Variants in ZNF679 observed in about 807,000 individuals in gnomAD.
ZNF679 encodes the protein zinc finger protein 679.
Under a neutral mutation model 13.4 loss-of-function variants are expected in ZNF679, and 10 were observed. The observed-to-expected ratio is 0.75, with a 90% CI of 0.46 to 1.27. The LOEUF (loss-of-function observed/expected upper bound fraction) is 1.27. Ranked by LOEUF, ZNF679 falls within the 50% of genes most tolerant of loss-of-function variation. The pLI is 0.00. For missense variants in ZNF679, 525 were observed against 477.8 expected, an observed-to-expected ratio of 1.10 and a Z score of -0.92; for synonymous variants, 179 against 162.5, an observed-to-expected ratio of 1.10 and a Z score of -0.77.
intron 1 of ZNF679, among the ~76,000 whole-genome samples, chr7:64,248,020 T>C (rs1175853016): frequency 6.6e-6 from 1 of 151,174 alleles, no homozygotes; most frequent in African/African-American, 2.4e-5. Context: ...GACTGCGTAC[T>C]TTTTTTTTAA....
chr7:64,263,416 A>G (rs962434462), intron 4 of ZNF679, among the ~76,000 whole-genome samples: 18 of 152,102 alleles, frequency 1.2e-4, no homozygotes, highest in Non-Finnish European at 2.5e-4. Flanking sequence ...GCTAAGACCT[A>G]TGTATTCTAA....
At chr7:64,259,129 CT>C (rs1788042818) in intron 2 of ZNF679, among the ~76,000 whole-genome samples, 1 of 152,074 alleles carries the variant, frequency 6.6e-6, no homozygotes, top group South Asian at 2.1e-4. Context: ...CCAGGCTGGT[CT>C]CGAACTCCTG....
At chr7:64,255,073 A>G (rs1450009129) in intron 2 of ZNF679, among the ~76,000 whole-genome samples, 1 of 151,538 alleles carries the variant, frequency 6.6e-6, no homozygotes, top group Admixed American at 6.6e-5. Flanking sequence ...CAGAAAAGAG[A>G]TATTACAGAG....
chr7:64,266,129 G>A lies in ZNF679; in HGVS notation c.496G>A (p.Gly166Ser), dbSNP rs41403344. 70 of 1,608,406 alleles carry A rather than the reference G, an allele frequency of 4.4e-5. No individual in the cohort carries two copies. Among genetic ancestry groups the A allele is most frequent in the African/African-American group, 3.7e-4 (28 of 74,904 alleles). The change falls in exon 5 of 5, where the codon GGC becomes AGC. Residue 166 changes from glycine to serine, a missense_variant. Gly to Ser is a moderately conservative substitution (Grantham distance 56). Transcript: ENST00000421025. ...GACTCATAAATGTGTCAAAGTCTTC[G>A]GCAAATTTTCAAATTCCAATAGACA... Reference protein sequence around the residue: ...FQTHKCVKVFGKFSNSNRHKT... With the variant: ...FQTHKCVKVFSKFSNSNRHKT...
At chr7:64,263,592 T>C (rs1562848332) in intron 4 of ZNF679, among the ~76,000 whole-genome samples, 1 of 152,178 alleles carries the variant, frequency 6.6e-6, no homozygotes, top group Non-Finnish European at 1.5e-5. Flanking sequence ...AATGACTTGG[T>C]ACAATCCCCT....
intron 1 of ZNF679, among the ~76,000 whole-genome samples, chr7:64,233,041 G>A (rs1239139972): frequency 6.6e-6 from 1 of 152,086 alleles, no homozygotes; most frequent in Non-Finnish European, 1.5e-5. Context: ...AGGAGTTCAA[G>A]ACCAGCTGGC....
chr7:64,253,367 A>G (rs1787966205), intron 2 of ZNF679, among the ~76,000 whole-genome samples: 1 of 152,156 alleles, frequency 6.6e-6, no homozygotes, highest in Non-Finnish European at 1.5e-5. Context: ...AGGTTAATGA[A>G]GGCCTAGTCA....
chr7:64,245,172 AC>A (rs1182713172), intron 1 of ZNF679, among the ~76,000 whole-genome samples: 1 of 152,050 alleles, frequency 6.6e-6, no homozygotes, highest in African/African-American at 2.4e-5. Flanking sequence ...GACTACAGGC[AC>A]CCACCACCAC....
At chr7:64,262,601 C>T (rs1213040027) in intron 4 of ZNF679, among the ~76,000 whole-genome samples, 2 of 152,152 alleles carry the variant, frequency 1.3e-5, no homozygotes, top group East Asian at 3.8e-4. Context: ...TCATGGCAAC[C>T]TTGTGGCAGA....
At chr7:64,243,632 A>G (rs1248335509) in intron 1 of ZNF679, among the ~76,000 whole-genome samples, 2 of 152,202 alleles carry the variant, frequency 1.3e-5, no homozygotes, top group African/African-American at 2.4e-5. Flanking sequence ...TGATTGGCTC[A>G]GAAATATGTC....
At chr7:64,258,085 A>G (rs979208640) in intron 2 of ZNF679, among the ~76,000 whole-genome samples, 2 of 151,604 alleles carry the variant, frequency 1.3e-5, no homozygotes, top group Non-Finnish European at 2.9e-5. Flanking sequence ...TGCTCCCATT[A>G]CTGTAAAGAA....
intron 1 of ZNF679, among the ~76,000 whole-genome samples, chr7:64,248,010 G>C (rs898543823): frequency 6.6e-6 from 1 of 152,038 alleles, no homozygotes; most frequent in Non-Finnish European, 1.5e-5. Flanking sequence ...AAATACCTCA[G>C]ACTGCGTACT....
intron 1 of ZNF679, among the ~76,000 whole-genome samples, chr7:64,234,687 T>C (rs1441046126): frequency 6.6e-6 from 1 of 152,156 alleles, no homozygotes; most frequent in East Asian, 1.9e-4. Flanking sequence ...CCCTGAACCA[T>C]AAGTTCTACA....
chr7:64,255,403 C>T (rs541909745), intron 2 of ZNF679, among the ~76,000 whole-genome samples: 14 of 152,268 alleles, frequency 9.2e-5, no homozygotes, highest in East Asian at 1.9e-4. Flanking sequence ...TGTGCCTACA[C>T]GTTTCCTGGC....
rs75909598 is a variant in ZNF679 at position 64,237,400 on chromosome 7, G to A, written c.-91+8748G>A. Among the ~76,000 whole-genome samples the A allele has an allele frequency of 5.3e-4, 81 of 152,220 alleles. 1 individual carries two copies. The highest frequency in any genetic ancestry group is 1.7e-3 in the African/African-American group (72 of 41,548). On this transcript the variant is annotated intron_variant, in intron 1 of 4. Transcript: ENST00000421025. ...AGCAGCCAGGTGGGGAGAGGAGTCC[G>A]CCCTCAGAACTGCTTTCCTTTGAGT...
rs1462784946 is a variant in ZNF679, at chr7:64,265,914, C to A, written c.281C>A (p.Thr94Asn). 6.2e-7 allele frequency: 1 copy of A among 1,613,544 alleles called. No individual in the cohort carries two copies. ...TKHPVMCSHF[T>N]QDLPPELGIK... is the part of the protein sequence containing the mutation. ...CTTTCAGTTATGTGTTCTCATTTCA[C>A]CCAAGACCTTCCGCCAGAGCTAGGC... The change falls in exon 5 of 5, where the codon ACC (threonine) becomes AAC (asparagine). Residue 94 changes from threonine to asparagine, a missense_variant. Transcript: ENST00000421025.
At chr7:64,265,329 G>T (rs1404042739) in intron 4 of ZNF679, among the ~76,000 whole-genome samples, 1 of 152,022 alleles carries the variant, frequency 6.6e-6, no homozygotes, top group Admixed American at 6.6e-5. Flanking sequence ...TCCATTAAAA[G>T]ACTTCTCCAT....
chr7:64,237,138 G>T (rs747130747), intron 1 of ZNF679, among the ~76,000 whole-genome samples: 3 of 152,138 alleles, frequency 2.0e-5, no homozygotes, highest in Non-Finnish European at 4.4e-5. Context: ...AGATGGGAGG[G>T]ATGGATGACC....
At position 64,257,052 on chromosome 7, in the gene ZNF679, GGTTATTTGAAGTTAGTTTGAA is replaced by G. The variant is rs545994469; in HGVS notation, c.40-3133_40-3113del. 5.3e-3 allele frequency among the ~76,000 whole-genome samples: 801 copies of G among 152,060 alleles called. 5 individuals carry two copies. Among genetic ancestry groups the G allele is most frequent in the Non-Finnish European group, 7.1e-3 (484 of 67,990 alleles). On this transcript the variant is annotated intron_variant, in intron 2 of 4. Coordinates refer to ENST00000421025, the MANE Select transcript of ZNF679 (RefSeq NM_153363.3). Reference sequence around the variant, plus strand: ...CCTTCTTAATTTCAGCTATGATTTTGGTTATTTGAAGTTAGTTTGAAGTTATTTGAAGTTAGTTTGAAGTTA... The same window carrying G: ...CCTTCTTAATTTCAGCTATGATTTTGGTTATTTGAAGTTAGTTTGAAGTTA...
Sources: gnomAD v4.1 joint callset for allele counts (sites outside exome capture counted in the v4.1 genomes callset) on GRCh38, gnomAD v4.1.1 for gene constraint, MANE v1.5 for transcripts, NCBI Gene and HGNC (gene_info 2026-07-23, HGNC 2026-07-21) for gene names.